Variants in RASGRF2 observed in about 807,000 individuals in gnomAD.
RASGRF2 encodes Ras protein specific guanine nucleotide releasing factor 2, also known as ras-specific guanine nucleotide-releasing factor 2.
In RASGRF2, 76 loss-of-function variants were observed where a neutral mutation model predicts 151.0. The ratio of observed to expected loss-of-function variants is 0.50; its 90% CI spans 0.42 to 0.61. RASGRF2 has a LOEUF of 0.61. Among genes scored for constraint, RASGRF2 ranks in the 20% least tolerant of loss-of-function variants. RASGRF2 has a pLI of 0.00. For missense variants in RASGRF2, 1,148 were observed against 1,564.6 expected, an observed-to-expected ratio of 0.73 and a Z score of 4.49; for synonymous variants, 504 against 566.5, an observed-to-expected ratio of 0.89 and a Z score of 1.57.
intron 1 of RASGRF2, among the ~76,000 whole-genome samples, chr5:81,038,611 T>G (rs749993166): frequency 5.5e-5 from 8 of 146,616 alleles, no homozygotes; most frequent in Non-Finnish European, 1.2e-4. Context: ...GGTCTCTCTA[T>G]GTTGCCTAGG....
chr5:81,100,281 A>G (rs1752666136), intron 12 of RASGRF2, among the ~76,000 whole-genome samples: 1 of 152,146 alleles, frequency 6.6e-6, no homozygotes, highest in Admixed American at 6.5e-5. Flanking sequence ...GTATTATACT[A>G]ATCATAGGTA....
At chr5:81,155,040 T>C (rs1754228122) in intron 17 of RASGRF2, among the ~76,000 whole-genome samples, 1 of 152,208 alleles carries the variant, frequency 6.6e-6, no homozygotes, top group South Asian at 2.1e-4. Flanking sequence ...ATTAGTGATA[T>C]TGAGCATTTT....
At chr5:80,982,868 G>A (rs987255201) in intron 1 of RASGRF2, among the ~76,000 whole-genome samples, 1 of 152,018 alleles carries the variant, frequency 6.6e-6, no homozygotes, top group African/African-American at 2.4e-5. Context: ...CCAAAGTGCT[G>A]GGATTACAGG....
chr5:81,036,858 G>T (rs368049665), intron 1 of RASGRF2, among the ~76,000 whole-genome samples: 4 of 152,192 alleles, frequency 2.6e-5, no homozygotes, highest in South Asian at 2.1e-4. Flanking sequence ...ATTTGCAAAA[G>T]AATACATACA....
chr5:81,061,330 AG>A (rs1282424430), intron 2 of RASGRF2, among the ~76,000 whole-genome samples: 1 of 152,130 alleles, frequency 6.6e-6, no homozygotes, highest in African/African-American at 2.4e-5. Flanking sequence ...ATGAAGGCAA[AG>A]GATATAACCA....
intron 1 of RASGRF2, among the ~76,000 whole-genome samples, chr5:80,968,330 CTTGTT>C (rs1473342429): frequency 6.7e-6 from 1 of 149,170 alleles, no homozygotes; most frequent in African/African-American, 2.5e-5. Flanking sequence ...TTCTGCCATT[CTTGTT>C]TTATCTGTCT....
At chr5:80,978,930 T>A (rs1184912647) in intron 1 of RASGRF2, among the ~76,000 whole-genome samples, 1 of 152,242 alleles carries the variant, frequency 6.6e-6, no homozygotes, top group Non-Finnish European at 1.5e-5. Flanking sequence ...TTTTAAGGAC[T>A]GTACAGCATT....
At chr5:81,012,257 C>G (rs930319220) in intron 1 of RASGRF2, among the ~76,000 whole-genome samples, 1 of 152,124 alleles carries the variant, frequency 6.6e-6, no homozygotes, top group African/African-American at 2.4e-5. Context: ...ATGATGCTAT[C>G]TGCCAGAGCT....
At chr5:81,162,537 C>T (rs1375496350) in intron 17 of RASGRF2, among the ~76,000 whole-genome samples, 8 of 148,350 alleles carry the variant, frequency 5.4e-5, no homozygotes, top group East Asian at 3.9e-4. Context: ...TTAGTAGAGA[C>T]GGGTTTCACC....
At chr5:81,157,129 G>A (rs968442043) in intron 17 of RASGRF2, among the ~76,000 whole-genome samples, 3 of 152,026 alleles carry the variant, frequency 2.0e-5, no homozygotes, top group African/African-American at 7.2e-5. Flanking sequence ...ACTTTGGGAG[G>A]CTGAGGCGGG....
At chr5:81,043,823 C>T (rs1315029988) in intron 2 of RASGRF2, among the ~76,000 whole-genome samples, 1 of 152,172 alleles carries the variant, frequency 6.6e-6, no homozygotes, top group Non-Finnish European at 1.5e-5. Flanking sequence ...TTCCCTTCTC[C>T]ATCTGTCTGT....
intron 18 of RASGRF2, among the ~76,000 whole-genome samples, chr5:81,190,937 GCTT>G (rs10557757): frequency 0.13 from 20,246 of 152,186 alleles, 1,605 homozygotes; most frequent in Non-Finnish European, 0.18. Flanking sequence ...TACTTCGATA[GCTT>G]CTTATCTCTG....
intron 2 of RASGRF2, among the ~76,000 whole-genome samples, chr5:81,047,188 A>G (rs561728611): frequency 6.6e-6 from 1 of 152,270 alleles, no homozygotes; most frequent in East Asian, 1.9e-4. Flanking sequence ...TTTCTGCTGG[A>G]AATTGGAAGA....
At chr5:81,128,677 C>G (rs1162940094) in intron 17 of RASGRF2, among the ~76,000 whole-genome samples, 1 of 152,180 alleles carries the variant, frequency 6.6e-6, no homozygotes, top group East Asian at 1.9e-4. Context: ...ACTCATAATT[C>G]ATTTCCAGTA....
chr5:80,968,286 A>T (rs1166211871), intron 1 of RASGRF2, among the ~76,000 whole-genome samples: 1 of 152,142 alleles, frequency 6.6e-6, no homozygotes, highest in Admixed American at 6.5e-5. Context: ...GGGAATGCCA[A>T]CCTACTCATC....
chr5:81,113,300 C>T (rs973835092), intron 14 of RASGRF2: 3 of 580,494 alleles, frequency 5.2e-6, no homozygotes, highest in Non-Finnish European at 9.0e-6. Flanking sequence ...CCCCAGAGAT[C>T]TCAATGCTGC....
chr5:81,003,306 T>C (rs945172309), intron 1 of RASGRF2, among the ~76,000 whole-genome samples: 37 of 144,954 alleles, frequency 2.6e-4, no homozygotes, highest in African/African-American at 9.4e-4. Context: ...CACTGCAAGC[T>C]CCGCCTCCCG....
intron 9 of RASGRF2, among the ~76,000 whole-genome samples, chr5:81,089,730 G>A (rs1752337584): frequency 6.6e-6 from 1 of 152,130 alleles, no homozygotes. Flanking sequence ...GTGATATTGG[G>A]CAATTTACTT....
chr5:81,038,199 A>T (rs1328116298), intron 1 of RASGRF2, among the ~76,000 whole-genome samples: 1 of 150,764 alleles, frequency 6.6e-6, no homozygotes, highest in Non-Finnish European at 1.5e-5. Flanking sequence ...CCAATATGTG[A>T]TTGTTTCTTT....
Sources: allele counts gnomAD v4.1 joint callset (sites outside exome capture counted in the v4.1 genomes callset), GRCh38; gene constraint gnomAD v4.1.1; transcripts MANE v1.5; gene names NCBI Gene and HGNC (gene_info 2026-07-23, HGNC 2026-07-21).